BCAS3: variants seen among roughly 807,000 people sequenced by gnomAD.
The protein encoded by BCAS3 is BCAS3 microtubule associated cell migration factor, also known as BCAS4/BCAS3 fusion.
In BCAS3, 53 loss-of-function variants were observed where a neutral mutation model predicts 116.1. That is an observed-to-expected ratio of 0.46 (90% CI 0.37 to 0.57). BCAS3 has a LOEUF of 0.57. Ranked by LOEUF, BCAS3 falls within the 20% of genes least tolerant of loss-of-function variation. The pLI is 0.00. For missense variants in BCAS3, 917 were observed against 1,165.4 expected (o/e 0.79, Z 3.10); for synonymous variants, 391 against 408.2 (o/e 0.96, Z 0.51).
Position 60,709,207 on chromosome 17 carries a change from A to C in BCAS3, c.215-12A>C. The C allele has an allele frequency of 7.3e-7, 1 of 1,364,036 alleles. No individual in the cohort carries two copies. The highest frequency in any genetic ancestry group is 1.4e-5 in the African/African-American group (1 of 71,594). The allele number at this position is 1,364,036 out of a possible 1,614,324, so 84.5% of individuals were successfully genotyped here. On this transcript the variant is annotated splice_polypyrimidine_tract_variant and intron_variant, in intron 4 of 23. Transcript: ENST00000407086. ...TTTAAATTTGCTTCTTTGTTACTTA[A>C]TTCTAATGCAGATACATCAAGAAAT... is the stretch of plus-strand genomic sequence containing the variant.
intron 12 of BCAS3, among the ~76,000 whole-genome samples, chr17:60,912,053 T>C (rs2058542750): frequency 6.6e-6 from 1 of 152,194 alleles, no homozygotes; most frequent in African/African-American, 2.4e-5. Flanking sequence ...TGGTAAGGTA[T>C]CATTTGGGCT....
chr17:60,872,677 C>G lies in BCAS3; in HGVS notation c.585-1985C>G, dbSNP rs534276727. 2.0e-5 allele frequency among the ~76,000 whole-genome samples: 3 copies of G among 150,864 alleles called. No homozygotes were observed. The South Asian group carries it at 6.3e-4, about 32-fold the overall frequency. ...CTATCTGTATGTATATACACACATA[C>G]ACACACATACACCATATATATCTAT... On this transcript the variant is annotated intron_variant, in intron 8 of 23. Coordinates refer to ENST00000407086, the MANE Select transcript of BCAS3 (RefSeq NM_017679.5).
At chr17:61,350,285 C>G (rs1374917903) in intron 22 of BCAS3, among the ~76,000 whole-genome samples, 1 of 151,944 alleles carries the variant, frequency 6.6e-6, no homozygotes, top group Non-Finnish European at 1.5e-5. Context: ...TATGGTGGCA[C>G]ACACCTGTAA....
chr17:60,913,399 T>C (rs1022110819), intron 12 of BCAS3, among the ~76,000 whole-genome samples: 5 of 152,108 alleles, frequency 3.3e-5, no homozygotes, highest in Non-Finnish European at 4.4e-5. Context: ...GTGTACATTT[T>C]AAAAAATATA....
intron 14 of BCAS3, among the ~76,000 whole-genome samples, chr17:60,978,229 G>A (rs1010568050): frequency 1.2e-4 from 16 of 131,048 alleles, no homozygotes; most frequent in Admixed American, 3.6e-4. Context: ...TTGTGGTTTT[G>A]ATTTGCATTT....
At chr17:61,002,658 T>C (rs1352102281) in intron 15 of BCAS3, 1 of 152,162 alleles carries the variant, frequency 6.6e-6, no homozygotes, top group Non-Finnish European at 1.5e-5. Context: ...GAGTACTACA[T>C]GCAGATCCAG....
chr17:61,242,120 T>C (rs1007393524), intron 22 of BCAS3, among the ~76,000 whole-genome samples: 1 of 151,742 alleles, frequency 6.6e-6, no homozygotes, highest in African/African-American at 2.4e-5. Context: ...CTACTAAAAA[T>C]ACAAAATTAA....
rs530547027 is a variant in BCAS3, at chr17:60,820,094, A to G, written c.476+12018A>G. 5.8e-3 allele frequency among the ~76,000 whole-genome samples: 867 copies of G among 149,962 alleles called. 9 individuals are homozygous for G. Among genetic ancestry groups the G allele is most frequent in the Non-Finnish European group, 8.2e-3 (557 of 67,656 alleles). ...TTTTCTTTTTTTTTTTTTCTGAGGC[A>G]GAGTCTCGTTCTGTTGCCCAGGCTG... On this transcript the variant is annotated intron_variant, in intron 7 of 23. Transcript: ENST00000407086.
chr17:61,223,316 C>G (rs570344958), intron 22 of BCAS3, among the ~76,000 whole-genome samples: 7 of 152,034 alleles, frequency 4.6e-5, no homozygotes, highest in African/African-American at 1.7e-4. Context: ...GCCACCACGC[C>G]TGGCTAATTT....
At chr17:60,736,764 G>A (rs1041364420) in intron 5 of BCAS3, among the ~76,000 whole-genome samples, 9 of 152,192 alleles carry the variant, frequency 5.9e-5, no homozygotes, top group South Asian at 2.1e-4. Context: ...TGTCTTTCAA[G>A]GGGTTGGTCC....
chr17:60,836,612 T>G (rs1051908446), intron 7 of BCAS3, among the ~76,000 whole-genome samples: 4 of 152,168 alleles, frequency 2.6e-5, no homozygotes, highest in Non-Finnish European at 5.9e-5. Context: ...TAGAACAAAC[T>G]GTTGTTTGGT....
intron 19 of BCAS3, among the ~76,000 whole-genome samples, chr17:61,074,649 G>A (rs991821594): frequency 1.3e-5 from 2 of 152,152 alleles, no homozygotes; most frequent in African/African-American, 4.8e-5. Context: ...CTGCTCTTCA[G>A]TGTACTTTTG....
In BCAS3 at chr17:61,319,896, AT is replaced by A. The variant is rs57784469; in HGVS notation, c.2426-48419del. Among the ~76,000 whole-genome samples, 84 of 134,654 alleles carry A rather than the reference AT, an allele frequency of 6.2e-4. 1 individual carries two copies. Among genetic ancestry groups the A allele is most frequent in the East Asian group, 1.7e-3 (8 of 4,576 alleles). 88.3% of individuals were successfully genotyped at this position (134,654 alleles called of 152,430 possible). ...CTTCTTCTTCTTTTTTTTATTTTTT[AT>A]TTTTTTTTTTTGAGATAGAGTCTTG... On this transcript the variant is annotated intron_variant, in intron 22 of 23. Coordinates refer to ENST00000407086, the MANE Select transcript of BCAS3 (RefSeq NM_017679.5).
At chr17:61,143,590 A>G (rs1436016458) in intron 22 of BCAS3, among the ~76,000 whole-genome samples, 3 of 151,976 alleles carry the variant, frequency 2.0e-5, no homozygotes, top group African/African-American at 7.2e-5. Context: ...CGGGTGGATC[A>G]CCTGAGGTCA....
chr17:60,682,420 C>T (rs978038064), intron 2 of BCAS3, among the ~76,000 whole-genome samples: 3 of 152,062 alleles, frequency 2.0e-5, no homozygotes, highest in Non-Finnish European at 2.9e-5. Flanking sequence ...TTGTAGGTCT[C>T]TAGGGCATAT....
At position 61,391,710 on chromosome 17, in the gene BCAS3, G is replaced by A. The variant is rs1283808762; in HGVS notation, c.2594-267G>A. On this transcript the variant is annotated intron_variant, in intron 23 of 23. Coordinates refer to ENST00000407086, the MANE Select transcript of BCAS3 (RefSeq NM_017679.5). The surrounding 1 kb of genome is among the most constrained non-coding windows in gnomAD (Gnocchi z 7.7). Reference sequence around the variant, plus strand: ...GTCCACACACATCGTCAGGGTGGCCGTGCTTCGGGCCTAAAGGGCTTCCCG... The same window carrying A: ...GTCCACACACATCGTCAGGGTGGCCATGCTTCGGGCCTAAAGGGCTTCCCG... 6 of 468,564 alleles carry A rather than the reference G, an allele frequency of 1.3e-5. No individual in the cohort carries two copies. Among genetic ancestry groups the A allele is most frequent in the Non-Finnish European group, 2.3e-5 (6 of 259,358 alleles). 29.0% of individuals were successfully genotyped at this position (468,564 alleles called of 1,614,324 possible).
chr17:61,200,271 G>A lies in BCAS3; in HGVS notation c.2425+115707G>A, dbSNP rs1290670516. Among the ~76,000 whole-genome samples, 4 of 152,228 alleles carry A rather than the reference G, an allele frequency of 2.6e-5. No individual in the cohort carries two copies. Among genetic ancestry groups the A allele is most frequent in the African/African-American group, 9.6e-5 (4 of 41,458 alleles). On this transcript the variant is annotated intron_variant, in intron 22 of 23. Transcript: ENST00000407086. This position sits in a 1 kb window ranked among gnomAD's most constrained non-coding sequence, Gnocchi z 5.1. ...AGGAGTCAGAGTGGTCTGAGCGAAT[G>A]AGAAGGAGATTAATATTAATACAAT...
Position 61,082,005 on chromosome 17 carries a change from G to A in BCAS3, c.2328-2462G>A, listed in dbSNP as rs551028201. 6.6e-5 allele frequency among the ~76,000 whole-genome samples: 10 copies of A among 152,158 alleles called. No homozygotes were observed. The South Asian group carries it at 1.5e-3, about 22-fold the overall frequency. ...TGCAGTGATAATCTTCCTCCCTGCC[G>A]CCTAACCAAAATGGGAAACAGGCAG... On this transcript the variant is annotated intron_variant, in intron 21 of 23. Transcript: ENST00000407086. This position sits in a 1 kb window ranked among gnomAD's most constrained non-coding sequence, Gnocchi z 5.1.
rs149523008 is a variant in BCAS3, at chr17:61,102,766, G to A, written c.2425+18202G>A. ...GAGTATAGGAACATCTGTCTCTGATGTTGTAAAAATTAATAGATAATAAAA... is the reference window on the plus strand; with the variant it reads ...GAGTATAGGAACATCTGTCTCTGATATTGTAAAAATTAATAGATAATAAAA... On this transcript the variant is annotated intron_variant, in intron 22 of 23. Transcript: ENST00000407086. Among the ~76,000 whole-genome samples, 187 of 152,194 alleles carry A rather than the reference G, an allele frequency of 1.2e-3. 1 individual carries two copies. Among genetic ancestry groups the A allele is most frequent in the Non-Finnish European group, 1.7e-3 (115 of 67,974 alleles).
Sources: gnomAD v4.1 joint callset for allele counts (sites outside exome capture counted in the v4.1 genomes callset) on GRCh38, gnomAD v4.1.1 for gene constraint, Gnocchi (gnomAD v3.1) non-coding constraint, MANE v1.5 for transcripts, NCBI Gene and HGNC (gene_info 2026-07-23, HGNC 2026-07-21) for gene names.